Variants in SNAPC1 observed in about 807,000 individuals in gnomAD.
SNAPC1 encodes the protein small nuclear RNA activating complex polypeptide 1.
A neutral mutation model predicts 50.1 loss-of-function variants in SNAPC1; 42 were observed. That is an observed-to-expected ratio of 0.84 (90% CI 0.65 to 1.08). SNAPC1 has a LOEUF of 1.08. Among genes scored for constraint, SNAPC1 ranks in the 50% least tolerant of loss-of-function variants. The pLI is 0.00. For synonymous variants in SNAPC1, 164 were observed against 144.2 expected (o/e 1.14, Z -0.98); for missense variants, 477 against 427.3 (o/e 1.12, Z -1.02).
intron 8 of SNAPC1, among the ~76,000 whole-genome samples, chr14:61,782,806 T>C (rs902582241): frequency 1.4e-4 from 21 of 151,972 alleles, no homozygotes; most frequent in South Asian, 2.1e-4. Context: ...CTTGGGAGGC[T>C]GAGGCACGAG....
intron 9 of SNAPC1, among the ~76,000 whole-genome samples, chr14:61,794,474 T>C (rs1161601304): frequency 2.0e-5 from 3 of 152,124 alleles, no homozygotes; most frequent in African/African-American, 7.2e-5. Flanking sequence ...GGCACGATCT[T>C]GGCTCACTGC....
At chr14:61,766,504 TAC>T (rs1484450261) in intron 1 of SNAPC1, among the ~76,000 whole-genome samples, 2 of 152,256 alleles carry the variant, frequency 1.3e-5, no homozygotes, top group Admixed American at 6.5e-5. Context: ...GTTCAAGTGA[TAC>T]TTCTTTATAG....
chr14:61,783,538 T>TTG (rs1451728665), intron 8 of SNAPC1, among the ~76,000 whole-genome samples: 1 of 145,342 alleles, frequency 6.9e-6, no homozygotes, highest in Non-Finnish European at 1.5e-5. Context: ...GTTTTTTTTT[T>TTG]TTTTTTTTTT....
intron 6 of SNAPC1, 77 bp downstream of exon 6, chr14:61,778,217 A>G: frequency 1.3e-6 from 1 of 748,888 alleles, no homozygotes; most frequent in Non-Finnish European, 2.1e-6. Flanking sequence ...GGTCAGTATT[A>G]TAAGACATAT....
At chr14:61,793,858 G>A (rs186141160) in intron 9 of SNAPC1, among the ~76,000 whole-genome samples, 93 of 152,110 alleles carry the variant, frequency 6.1e-4, no homozygotes, top group Non-Finnish European at 1.1e-3. Context: ...GTTTCACCGT[G>A]TTGGGCAGGC....
At chr14:61,763,281 G>A (rs1594897655) in intron 1 of SNAPC1, among the ~76,000 whole-genome samples, 1 of 151,880 alleles carries the variant, frequency 6.6e-6, no homozygotes. Flanking sequence ...GTGAGCCACC[G>A]CGCCCGGCCC....
intron 8 of SNAPC1, among the ~76,000 whole-genome samples, chr14:61,792,011 G>A (rs1468786883): frequency 6.6e-6 from 1 of 151,706 alleles, no homozygotes; most frequent in African/African-American, 2.4e-5. Flanking sequence ...GCAGAGGCAG[G>A]AGAATTGCTT....
rs1235691484 is a variant in SNAPC1, at chr14:61,795,702, G to C, written c.*719G>C. 1.3e-5 allele frequency: 2 copies of C among 151,480 alleles called. No individual in the cohort carries two copies. The highest frequency in any genetic ancestry group is 4.9e-5 in the African/African-American group (2 of 41,194). The allele number at this position is 151,480 out of a possible 1,614,324, so 9.4% of individuals were successfully genotyped here. A position where few individuals can be genotyped will look rare whatever the true frequency, so the allele number is the denominator to read the frequency against. On this transcript the variant is annotated 3_prime_UTR_variant, in exon 10 of 10. Transcript: ENST00000216294. ...CAGAATGTGTCTCTGGTACAGAATA[G>C]TTGATATTAACAGAAAAAAAAAAAT... is the stretch of plus-strand genomic sequence containing the variant.
chr14:61,782,998 G>C (rs565646555), intron 8 of SNAPC1, among the ~76,000 whole-genome samples: 1 of 149,658 alleles, frequency 6.7e-6, no homozygotes, highest in Admixed American at 6.6e-5. Flanking sequence ...TATGAAATCA[G>C]TCTAGAATTT....
chr14:61,773,082 T>C (rs1332451573), intron 4 of SNAPC1, among the ~76,000 whole-genome samples: 2 of 152,234 alleles, frequency 1.3e-5, no homozygotes, highest in African/African-American at 4.8e-5. Context: ...CAACTGCTAT[T>C]AAGTCTTCAT....
chr14:61,782,310 G>A lies in SNAPC1; in HGVS notation c.889G>A (p.Gly297Ser), dbSNP rs779476626. ...CTCTTCTGACTCTGATTCTGCATCT[G>A]GTCAAGGGCAAGTCAAAGCAACTAG... ...LDSSDSDSAS[G>S]QGQVKATRKK... The change falls in exon 8 of 10, where the codon GGT becomes AGT. Residue 297 changes from glycine to serine, a missense_variant. Coordinates refer to ENST00000216294, the MANE Select transcript of SNAPC1 (RefSeq NM_003082.4). 1.2e-6 allele frequency: 2 copies of A among 1,612,882 alleles called. No homozygotes were observed.
In SNAPC1 at chr14:61,764,878, A is replaced by G. The variant is rs368371896; in HGVS notation, c.129-1998A>G. Among the ~76,000 whole-genome samples, 4 of 152,048 alleles carry G rather than the reference A, an allele frequency of 2.6e-5. No homozygotes were observed. In the East Asian group the frequency reaches 5.8e-4, roughly 22 times the overall value. ...TGAAGACCCAAAATGTCCTCCTACT[A>G]CCCCCTTCCCTTCCACCCCTGCATT... is the stretch of plus-strand genomic sequence containing the variant. On this transcript the variant is annotated intron_variant, in intron 1 of 9. Coordinates refer to ENST00000216294, the MANE Select transcript of SNAPC1 (RefSeq NM_003082.4).
intron 8 of SNAPC1, among the ~76,000 whole-genome samples, chr14:61,785,232 G>A (rs574045450): frequency 3.7e-4 from 57 of 152,168 alleles, no homozygotes; most frequent in African/African-American, 1.3e-3. Flanking sequence ...GAGAAACCCC[G>A]TCTCTACTGA....
chr14:61,774,403 C>G (rs540049525), intron 4 of SNAPC1, among the ~76,000 whole-genome samples: 2 of 152,132 alleles, frequency 1.3e-5, no homozygotes, highest in South Asian at 4.1e-4. Context: ...TGTACAAATG[C>G]GAAACATGAA....
chr14:61,783,254 C>T (rs1196934532), intron 8 of SNAPC1, among the ~76,000 whole-genome samples: 6 of 151,740 alleles, frequency 4.0e-5, no homozygotes, highest in African/African-American at 1.5e-4. Context: ...CGGTCTTGGA[C>T]TCCTGACCTC....
At chr14:61,762,687 G>T in intron 1 of SNAPC1, 99 bp downstream of exon 1, 4 of 1,425,348 alleles carry the variant, frequency 2.8e-6, no homozygotes. Context: ...GGGCTGAGAA[G>T]AGCGGCAGTC....
At chr14:61,771,780 T>TA (rs1443600354) in intron 4 of SNAPC1, among the ~76,000 whole-genome samples, 1 of 152,168 alleles carries the variant, frequency 6.6e-6, no homozygotes, top group Non-Finnish European at 1.5e-5. Context: ...GCAGAAGGCA[T>TA]ACTTTTTCCT....
intron 4 of SNAPC1, among the ~76,000 whole-genome samples, chr14:61,773,888 T>C (rs964790214): frequency 1.3e-5 from 2 of 151,738 alleles, no homozygotes; most frequent in African/African-American, 2.4e-5. Context: ...TTTGTATTTT[T>C]AGTAGAAATG....
At chr14:61,792,324 G>GA (rs1192057718) in intron 8 of SNAPC1, among the ~76,000 whole-genome samples, 7 of 152,126 alleles carry the variant, frequency 4.6e-5, no homozygotes, top group Non-Finnish European at 1.0e-4. Flanking sequence ...TAGTGTTTTT[G>GA]AAAATGGAAA....
Sources: gnomAD v4.1 joint callset for allele counts (sites outside exome capture counted in the v4.1 genomes callset) on GRCh38, gnomAD v4.1.1 for gene constraint, MANE v1.5 for transcripts, NCBI Gene and HGNC (gene_info 2026-07-23, HGNC 2026-07-21) for gene names.